SCN10A: variants seen among roughly 807,000 people sequenced by gnomAD.
SCN10A encodes sodium channel protein type 10 subunit alpha.
SCN10A carries 162 observed loss-of-function variants against 170.7 expected under a neutral mutation model. The observed-to-expected ratio is 0.95, with a 90% CI of 0.84 to 1.08. SCN10A has a LOEUF of 1.08. Among genes scored for constraint, SCN10A ranks in the 50% least tolerant of loss-of-function variants. The pLI, the probability that SCN10A is intolerant of heterozygous loss-of-function variation, is 0.00. For missense variants in SCN10A, 2,527 were observed against 2,436.9 expected, an observed-to-expected ratio of 1.04 and a Z score of -0.78; for synonymous variants, 985 against 904.6, an observed-to-expected ratio of 1.09 and a Z score of -1.59.
Position 38,761,739 on chromosome 3 carries a change from T to G in SCN10A, c.692-356A>C, listed in dbSNP as rs539575481. Among the ~76,000 whole-genome samples, 4 of 152,160 alleles carry G rather than the reference T, an allele frequency of 2.6e-5. No individual in the cohort carries two copies. The South Asian group carries it at 8.3e-4, about 32-fold the overall frequency. ...CATGAAGCTACTAACTTCACCCCAG[T>G]AATTTGGCATCTGTCTTTCTGCATG... On this transcript the variant is annotated intron_variant, in intron 6 of 27. Coordinates refer to ENST00000449082, the MANE Select transcript of SCN10A (RefSeq NM_006514.4).
At chr3:38,811,115 A>C (rs1308694309) in intron 1 of SCN10A, among the ~76,000 whole-genome samples, 1 of 152,060 alleles carries the variant, frequency 6.6e-6, no homozygotes, top group East Asian at 1.9e-4. Flanking sequence ...AGATTACTTA[A>C]CTCCTGTGTG....
intron 11 of SCN10A, among the ~76,000 whole-genome samples, chr3:38,755,432 A>C (rs987283453): frequency 2.7e-4 from 40 of 149,576 alleles, no homozygotes; most frequent in African/African-American, 9.6e-4. Context: ...TGGGCTTCCC[A>C]CCTTTCCTAC....
chr3:38,761,218 G>A lies in SCN10A; in HGVS notation c.857C>T (p.Thr286Ile), dbSNP rs147150438. ...CVKNDMAVNE[T>I]TNYSSHRKPD... ...TTTTCTGTGAGATGAGTAGTTGGTT[G>A]TCTCATTGACAGCCATGTCATTCTT... The change falls in exon 7 of 28, where the codon ACA becomes ATA. Residue 286 changes from threonine (T) to isoleucine (I), a missense_variant. Transcript: ENST00000449082. The A allele has an allele frequency of 2.0e-4, 315 of 1,607,764 alleles. 1 individual carries two copies. In the East Asian group the frequency reaches 6.1e-3, roughly 31 times the overall value.
At chr3:38,775,181 ACTAT>A (rs1406571871) in intron 4 of SCN10A, among the ~76,000 whole-genome samples, 2 of 152,202 alleles carry the variant, frequency 1.3e-5, no homozygotes, top group Non-Finnish European at 2.9e-5. Flanking sequence ...AACTATCACC[ACTAT>A]CTGTTTCCAA....
Position 38,697,281 on chromosome 3 carries a change from T to C in SCN10A, c.*68A>G, listed in dbSNP as rs574842120. 687 of 1,566,908 alleles carry C rather than the reference T, an allele frequency of 4.4e-4. No individual in the cohort carries two copies. The highest frequency in any genetic ancestry group is 4.8e-4 in the Non-Finnish European group (549 of 1,155,258). ...GGCTGTAGCTGGGTGTGATCTGCAA[T>C]GGGAAAGAGTTAACACAGAGCAGAA... On this transcript the variant is annotated 3_prime_UTR_variant, in exon 28 of 28. Transcript: ENST00000449082.
chr3:38,772,062 T>C (rs776384816), intron 4 of SCN10A, among the ~76,000 whole-genome samples: 17 of 152,088 alleles, frequency 1.1e-4, no homozygotes, highest in Non-Finnish European at 2.4e-4. Context: ...GCTCCAGAAA[T>C]GGATTGGATG....
intron 6 of SCN10A, among the ~76,000 whole-genome samples, chr3:38,762,878 T>C (rs2063891276): frequency 6.6e-6 from 1 of 152,122 alleles, no homozygotes; most frequent in Admixed American, 6.5e-5. Flanking sequence ...AAGCATCAAG[T>C]CCCATTTCAG....
chr3:38,717,315 G>A (rs2063343421), intron 21 of SCN10A, among the ~76,000 whole-genome samples: 1 of 152,164 alleles, frequency 6.6e-6, no homozygotes, highest in African/African-American at 2.4e-5. Context: ...TGGAAGGAAG[G>A]ATGGATGGTT....
chr3:38,719,399 T>G (rs2063365879), intron 20 of SCN10A, among the ~76,000 whole-genome samples: 1 of 93,724 alleles, frequency 1.1e-5, no homozygotes, highest in African/African-American at 5.8e-5. Flanking sequence ...TTTTTTTTTT[T>G]TTTTTTTTTT....
At chr3:38,805,000 G>A (rs2064396632) in intron 1 of SCN10A, among the ~76,000 whole-genome samples, 1 of 152,156 alleles carries the variant, frequency 6.6e-6, no homozygotes, top group African/African-American at 2.4e-5. Flanking sequence ...CAGAGGGAGT[G>A]TGAATAAGTA....
At chr3:38,730,794 A>C (rs1189328236) in intron 15 of SCN10A, among the ~76,000 whole-genome samples, 1 of 152,206 alleles carries the variant, frequency 6.6e-6, no homozygotes, top group Non-Finnish European at 1.5e-5. Context: ...AACTGAGGAT[A>C]TATCAGAATA....
chr3:38,710,979 G>C (rs971229721), intron 23 of SCN10A, 82 bp from the exon 24 acceptor site: 2 of 1,160,502 alleles, frequency 1.7e-6, no homozygotes, highest in African/African-American at 1.5e-5. Context: ...GGCCCAGTGA[G>C]AGAGGAGAGA....
intron 27 of SCN10A, among the ~76,000 whole-genome samples, chr3:38,700,556 T>G (rs1472333020): frequency 2.0e-5 from 3 of 152,220 alleles, no homozygotes; most frequent in African/African-American, 7.2e-5. Flanking sequence ...TCCAAACTCA[T>G]AAAGTTGTGT....
intron 27 of SCN10A, among the ~76,000 whole-genome samples, chr3:38,700,513 T>A (rs895191833): frequency 6.6e-6 from 1 of 152,200 alleles, no homozygotes; most frequent in Non-Finnish European, 1.5e-5. Context: ...CTGGCATTGA[T>A]GGTGGTGATG....
intron 1 of SCN10A, among the ~76,000 whole-genome samples, chr3:38,809,826 A>T (rs776353640): frequency 4.6e-5 from 7 of 152,240 alleles, no homozygotes; most frequent in Non-Finnish European, 8.8e-5. Flanking sequence ...ATAAAAATAA[A>T]TAAGGGCTAT....
rs549879065 is a variant in SCN10A at position 38,718,771 on chromosome 3, T to A, written c.3563A>T (p.Tyr1188Phe). 1 of 1,614,236 alleles carries A rather than the reference T, an allele frequency of 6.2e-7. No individual in the cohort carries two copies. The highest frequency in any genetic ancestry group is 8.5e-7 in the Non-Finnish European group (1 of 1,180,034). Residue 1188 changes from tyrosine to phenylalanine, a missense_variant, in exon 21 of 28, where the codon TAC (tyrosine) becomes TTC (phenylalanine). Coordinates refer to ENST00000449082, the MANE Select transcript of SCN10A (RefSeq NM_006514.4). ...GATAAAGGTGAAGACCCTGTCAGTG[T>A]ACTCCAGCAAAGCTTTCACCGTGGG... ...QKPTVKALLE[Y>F]TDRVFTFIFV... is the part of the protein sequence containing the mutation.
chr3:38,795,110 T>G (rs913803323), intron 1 of SCN10A, among the ~76,000 whole-genome samples: 3 of 152,134 alleles, frequency 2.0e-5, no homozygotes, highest in African/African-American at 7.2e-5. Context: ...TTAAAAACTT[T>G]CCCTTGATGC....
At chr3:38,781,545 A>G (rs2064139447) in intron 4 of SCN10A, among the ~76,000 whole-genome samples, 1 of 152,088 alleles carries the variant, frequency 6.6e-6, no homozygotes, top group African/African-American at 2.4e-5. Context: ...CCTCTCACCA[A>G]CCAACTACCA....
rs928605549 is a variant in SCN10A, at chr3:38,746,087, A to G, written c.1868-3558T>C. On this transcript the variant is annotated intron_variant, in intron 13 of 27. Transcript: ENST00000449082. ...TGTATATATATATATATATATATAT[A>G]TATATATATATATGCCATCTTTGTC... 3.4e-4 allele frequency among the ~76,000 whole-genome samples: 39 copies of G among 114,766 alleles called. 1 individual carries two copies. The highest frequency in any genetic ancestry group is 1.2e-3 in the African/African-American group (38 of 32,564). The allele number at this position is 114,766 out of a possible 152,430, so 75.3% of individuals were successfully genotyped here.
Sources: gnomAD v4.1 joint callset for allele counts (sites outside exome capture counted in the v4.1 genomes callset) on GRCh38, gnomAD v4.1.1 for gene constraint, MANE v1.5 for transcripts, NCBI Gene and HGNC (gene_info 2026-07-23, HGNC 2026-07-21) for gene names.